TRMT11: variants seen among roughly 807,000 people sequenced by gnomAD.
TRMT11 encodes the protein tRNA methyltransferase 11, also known as tRNA (guanine(10)-N(2))-methyltransferase TRMT11.
Under a neutral mutation model 62.8 loss-of-function variants are expected in TRMT11, and 53 were observed. That is an observed-to-expected ratio of 0.84 (90% CI 0.68 to 1.06). The LOEUF (loss-of-function observed/expected upper bound fraction) is 1.06, where lower values mean the gene tolerates loss of function less well. TRMT11 is among the 50% of genes least tolerant of loss of function. The pLI is 0.00. For synonymous variants in TRMT11, 188 were observed against 190.3 expected, an observed-to-expected ratio of 0.99 and a Z score of 0.10; for missense variants, 556 against 553.4, an observed-to-expected ratio of 1.00 and a Z score of -0.05.
upstream of TRMT11, among the ~76,000 whole-genome samples, chr6:126,176,923 A>G (rs1778392920): frequency 6.6e-6 from 1 of 152,138 alleles, no homozygotes; most frequent in Non-Finnish European, 1.5e-5. Context: ...TCAACCCTTC[A>G]TTCACTCATC....
rs564266652 is a variant in TRMT11, at chr6:126,025,239, T to C, written c.1260+3959T>C. ...TTGTTTAAGAAAGTCTGGTATTTTT[T>C]CCCAGATTTATAATATTTCCCTAAG... is the stretch of plus-strand genomic sequence containing the variant. On this transcript the variant is annotated intron_variant, in intron 12 of 12. Transcript: ENST00000334379. Among the ~76,000 whole-genome samples the C allele has an allele frequency of 1.1e-4, 16 of 152,308 alleles. No individual in the cohort carries two copies. In the South Asian group the frequency reaches 2.9e-3, roughly 28 times the overall value.
intron 21 of TRMT11, among the ~76,000 whole-genome samples, chr6:126,142,811 T>C (rs1487418204): frequency 6.6e-6 from 1 of 152,120 alleles, no homozygotes; most frequent in Non-Finnish European, 1.5e-5. Flanking sequence ...CAGCTCCATT[T>C]CTCAGAAAAT....
chr6:126,057,751 G>A (rs557400542), intron 17 of TRMT11, among the ~76,000 whole-genome samples: 37 of 152,304 alleles, frequency 2.4e-4, no homozygotes, highest in Admixed American at 6.5e-4. Context: ...GTCAAACACG[G>A]CGTCTGCGTG....
At chr6:126,074,255 C>G (rs1337489740) in intron 17 of TRMT11, among the ~76,000 whole-genome samples, 2 of 152,176 alleles carry the variant, frequency 1.3e-5, no homozygotes, top group African/African-American at 4.8e-5. Flanking sequence ...GATGCCTTCT[C>G]CAACTCCTGT....
Position 126,069,523 on chromosome 6 carries a change from A to C in TRMT11, c.*1437+16333A>C, listed in dbSNP as rs566385124. ...AAGTCAACTTCTCAAACAAAACAACAAAACTCCAACACTGAATTATGCCTG... is the reference window on the plus strand; with the variant it reads ...AAGTCAACTTCTCAAACAAAACAACCAAACTCCAACACTGAATTATGCCTG... On this transcript the variant is annotated intron_variant and NMD_transcript_variant, in intron 17 of 22. Transcript: ENST00000648977. 7.2e-5 allele frequency among the ~76,000 whole-genome samples: 11 copies of C among 152,336 alleles called. No homozygotes were observed. In the East Asian group the frequency reaches 2.1e-3, roughly 29 times the overall value.
the TRMT11 span, among the ~76,000 whole-genome samples, chr6:126,251,446 A>G: frequency 6.6e-6 from 1 of 152,152 alleles, no homozygotes; most frequent in Non-Finnish European, 1.5e-5. Context: ...TATACTCCTT[A>G]TGTCATATAC....
chr6:126,123,610 T>G (rs1051819822), intron 21 of TRMT11, among the ~76,000 whole-genome samples: 1 of 152,072 alleles, frequency 6.6e-6, no homozygotes, highest in Admixed American at 6.6e-5. Context: ...ATGTAATTCC[T>G]ACCTCTATTT....
chr6:126,220,459 G>GA, the TRMT11 span, among the ~76,000 whole-genome samples: 2 of 152,030 alleles, frequency 1.3e-5, no homozygotes, highest in Admixed American at 6.5e-5. Context: ...TCCATTCTAG[G>GA]AAAAAATGGT....
At chr6:126,199,522 G>A (rs1433231378) in intron 2 of TRMT11, among the ~76,000 whole-genome samples, 1 of 152,086 alleles carries the variant, frequency 6.6e-6, no homozygotes, top group Non-Finnish European at 1.5e-5. Flanking sequence ...CTCATCCAGG[G>A]CTCTTGAAGT....
chr6:126,163,921 C>A (rs546717550), intron 21 of TRMT11, among the ~76,000 whole-genome samples: 4 of 152,134 alleles, frequency 2.6e-5, no homozygotes, highest in Non-Finnish European at 4.4e-5. Flanking sequence ...TTTCAAAAAG[C>A]CTGCTCCTGG....
chr6:126,222,640 A>T, the TRMT11 span, among the ~76,000 whole-genome samples: 2 of 152,102 alleles, frequency 1.3e-5, no homozygotes, highest in African/African-American at 4.8e-5. Context: ...CTTTATTAGT[A>T]TATAGAAATG....
At position 126,103,831 on chromosome 6, in the gene TRMT11, A is replaced by C. The variant is rs565759343; in HGVS notation, c.*1438-9035A>C. 7.9e-5 allele frequency among the ~76,000 whole-genome samples: 12 copies of C among 152,284 alleles called. No homozygotes were observed. The East Asian group carries it at 2.3e-3, about 29-fold the overall frequency. ...GGAGTCTTACATAACATAATGTCAT[A>C]ATGAGAGTGACTTCCTATCTCCTTT... On this transcript the variant is annotated intron_variant and NMD_transcript_variant, in intron 17 of 22. Coordinates refer to the TRMT11 transcript ENST00000648977.
At chr6:126,107,174 A>G (rs1486134640) in intron 17 of TRMT11, among the ~76,000 whole-genome samples, 1 of 152,034 alleles carries the variant, frequency 6.6e-6, no homozygotes, top group African/African-American at 2.4e-5. Flanking sequence ...AGTCCTTTAG[A>G]AAAAAAATGA....
the TRMT11 span, among the ~76,000 whole-genome samples, chr6:126,212,089 C>G: frequency 6.6e-6 from 1 of 152,116 alleles, no homozygotes; most frequent in African/African-American, 2.4e-5. Context: ...CATGTTATTG[C>G]AAATGACAGG....
At chr6:126,109,228 A>C (rs548135826) in intron 17 of TRMT11, among the ~76,000 whole-genome samples, 1 of 152,290 alleles carries the variant, frequency 6.6e-6, no homozygotes, top group South Asian at 2.1e-4. Flanking sequence ...GTATTTCACC[A>C]GTTGTCCCAA....
At chr6:126,128,007 C>T (rs945465408) in intron 21 of TRMT11, among the ~76,000 whole-genome samples, 11 of 151,964 alleles carry the variant, frequency 7.2e-5, no homozygotes, top group Non-Finnish European at 1.5e-4. Context: ...CAATATTGTA[C>T]GTGCTTTAGA....
chr6:125,997,430 C>T (rs559594792), intron 3 of TRMT11, among the ~76,000 whole-genome samples: 35 of 152,352 alleles, frequency 2.3e-4, no homozygotes, highest in African/African-American at 8.2e-4. Flanking sequence ...AAAAATATAA[C>T]AAGTACCTAG....
chr6:126,086,602 G>A (rs141896063), intron 17 of TRMT11, among the ~76,000 whole-genome samples: 1,778 of 152,176 alleles, frequency 0.012, 27 homozygotes, highest in African/African-American at 0.041. Context: ...CACAACCTAG[G>A]TAAGTCAGAT....
At chr6:126,261,678 A>G in the TRMT11 span, among the ~76,000 whole-genome samples, 1 of 152,218 alleles carries the variant, frequency 6.6e-6, no homozygotes, top group Non-Finnish European at 1.5e-5. Context: ...CATGGACTCC[A>G]TGAAGTTTCT....
Sources: allele counts gnomAD v4.1 joint callset (sites outside exome capture counted in the v4.1 genomes callset), GRCh38; gene constraint gnomAD v4.1.1; transcripts MANE v1.5; gene names NCBI Gene and HGNC (gene_info 2026-07-23, HGNC 2026-07-21).